Variants in RPS24 observed in about 807,000 individuals in gnomAD.
The protein encoded by RPS24 is small ribosomal subunit protein eS24.
For missense variants in RPS24, 100 were observed against 162.5 expected, an observed-to-expected ratio of 0.62 and a Z score of 2.09; for synonymous variants, 72 against 55.6, an observed-to-expected ratio of 1.30 and a Z score of -1.31.
chr10:78,046,065 AAGCACCTGATGTTTT>A (rs1848040226), intron 4 of RPS24, among the ~76,000 whole-genome samples: 1 of 151,986 alleles, frequency 6.6e-6, no homozygotes. Context: ...GGTAGCGCCC[AAGCACCTGATGTTTT>A]AATAGCTTCC....
At chr10:78,042,418 C>T (rs955678196), downstream of RPS24, among the ~76,000 whole-genome samples, 1 of 152,190 alleles carries the variant, frequency 6.6e-6, no homozygotes, top group Non-Finnish European at 1.5e-5. Context: ...CCCTGGCTCA[C>T]AAGGCTATTT....
chr10:78,034,027 A>G, intron 1 of RPS24, 123 bp downstream of exon 1: 2 of 1,273,388 alleles, frequency 1.6e-6, no homozygotes, highest in Non-Finnish European at 2.3e-6. Context: ...CGTTTCTGTC[A>G]GAGGATGGTT....
At chr10:78,053,191 A>C (rs1719540067) in intron 4 of RPS24, among the ~76,000 whole-genome samples, 1 of 151,124 alleles carries the variant, frequency 6.6e-6, no homozygotes, top group South Asian at 2.1e-4. Flanking sequence ...AACAACAAAA[A>C]AAAAAAAAGA....
In RPS24 at chr10:78,037,180, C is replaced by A. The variant is rs1564629132; in HGVS notation, c.280-14C>A. 1 of 1,592,168 alleles carries A rather than the reference C, an allele frequency of 6.3e-7. No individual in the cohort carries two copies. Among genetic ancestry groups the A allele is most frequent in the Non-Finnish European group, 8.5e-7 (1 of 1,169,756 alleles). ...TGTTTACAAGTCACCTGGATGTACT[C>A]TTTTCTCATTCAGCATGGCCTGTAT... On this transcript the variant is annotated splice_polypyrimidine_tract_variant and intron_variant, in intron 3 of 5. Coordinates refer to ENST00000372360, the MANE Select transcript of RPS24 (RefSeq NM_033022.4).
downstream of RPS24, among the ~76,000 whole-genome samples, chr10:78,045,438 A>G (rs1323163884): frequency 6.6e-6 from 1 of 152,106 alleles, no homozygotes; most frequent in Non-Finnish European, 1.5e-5. Flanking sequence ...TCTGTCTGCT[A>G]TCCGGGCTAG....
At chr10:78,037,336 C>T (rs914425178) in intron 4 of RPS24, 32 bp downstream of exon 4, 4 of 1,566,052 alleles carry the variant, frequency 2.6e-6, no homozygotes, top group African/African-American at 2.7e-5. Flanking sequence ...ATAGAAACGT[C>T]ATTAATTGTA....
rs1847846650 is a variant in RPS24, at chr10:78,035,542, C to T, written c.101C>T (p.Thr34Ile). ...VIDVLHPGKA[T>I]VPKTEIREKL... Reference sequence around the variant, plus strand: ...GATGTCCTTCACCCCGGGAAGGCGACAGTGCCTAAGACAGAAATTCGGGAA... The same window carrying T: ...GATGTCCTTCACCCCGGGAAGGCGATAGTGCCTAAGACAGAAATTCGGGAA... The change falls in exon 3 of 6, where the codon ACA (threonine) becomes ATA (isoleucine). Residue 34 changes from threonine (T) to isoleucine (I), a missense_variant. Physicochemically the swap from Thr to Ile is moderately conservative, Grantham distance 89 (BLOSUM62 -1). Transcript: ENST00000372360. 1 of 1,614,036 alleles carries T rather than the reference C, an allele frequency of 6.2e-7. No individual in the cohort carries two copies. Among genetic ancestry groups the T allele is most frequent in the African/African-American group, 1.3e-5 (1 of 74,934 alleles).
At chr10:78,037,948 G>C (rs879549094) in intron 4 of RPS24, 2 of 707,558 alleles carry the variant, frequency 2.8e-6, no homozygotes, top group Non-Finnish European at 3.7e-6. Context: ...TACTTTCTTG[G>C]ATTTCTTGTT....
In RPS24 at chr10:78,040,629, G is replaced by A; in HGVS notation, c.*34G>A. The A allele has an allele frequency of 1.9e-6, 3 of 1,613,962 alleles. No homozygotes were observed. The highest frequency in any genetic ancestry group is 1.1e-5 in the South Asian group (1 of 91,080). On this transcript the variant is annotated 3_prime_UTR_variant, in exon 6 of 6. Coordinates refer to ENST00000372360, the MANE Select transcript of RPS24 (RefSeq NM_033022.4). ...TTGATTCACAGCCGAAGGAGTAAAG[G>A]TGCTGCAATGATGTTAGCTGTGGCC... is the stretch of plus-strand genomic sequence containing the variant.
At chr10:78,054,448 C>T in intron 4 of RPS24, 6 of 1,261,990 alleles carry the variant, frequency 4.8e-6, no homozygotes, top group Non-Finnish European at 5.4e-6. Context: ...GGTGCAGAAT[C>T]CCAGGCCACA....
chr10:78,037,474 G>T, intron 4 of RPS24, 170 bp downstream of exon 4: 3 of 1,103,546 alleles, frequency 2.7e-6, no homozygotes, highest in Non-Finnish European at 3.7e-6. Context: ...GTAGCATAGT[G>T]TCTTAACACC....
At chr10:78,050,588 G>T (rs891425701) in intron 4 of RPS24, among the ~76,000 whole-genome samples, 7 of 152,150 alleles carry the variant, frequency 4.6e-5, no homozygotes, top group Admixed American at 2.0e-4. Context: ...TTGCAGAGTG[G>T]TGCAACCACC....
chr10:78,047,301 A>G (rs577758286), intron 4 of RPS24, among the ~76,000 whole-genome samples: 1 of 152,246 alleles, frequency 6.6e-6, no homozygotes, highest in African/African-American at 2.4e-5. Flanking sequence ...CAGGTGATTC[A>G]GATGCATGCT....
downstream of RPS24, among the ~76,000 whole-genome samples, chr10:78,042,770 T>G (rs1247561243): frequency 2.0e-5 from 3 of 151,884 alleles, no homozygotes; most frequent in Admixed American, 1.3e-4. Context: ...AGTGAATATT[T>G]GGGGTGCTGC....
At chr10:78,046,058 A>G (rs1046258198) in intron 4 of RPS24, among the ~76,000 whole-genome samples, 4 of 152,042 alleles carry the variant, frequency 2.6e-5, no homozygotes, top group Non-Finnish European at 5.9e-5. Context: ...AGATCTGGGT[A>G]GCGCCCAAGC....
At chr10:78,046,364 T>A (rs1848043488) in intron 4 of RPS24, among the ~76,000 whole-genome samples, 1 of 149,536 alleles carries the variant, frequency 6.7e-6, no homozygotes, top group South Asian at 2.1e-4. Context: ...TTTTTTTTTT[T>A]TGAGAATGAG....
At chr10:78,034,011 T>A in intron 1 of RPS24, 107 bp downstream of exon 1, 1 of 1,364,952 alleles carries the variant, frequency 7.3e-7, no homozygotes, top group Non-Finnish European at 1.0e-6. Flanking sequence ...GTTGCTCTTC[T>A]CTGGCCGTTT....
intron 1 of RPS24, among the ~76,000 whole-genome samples, chr10:78,034,748 C>T (rs1460918646): frequency 6.6e-6 from 1 of 152,330 alleles, no homozygotes; most frequent in African/African-American, 2.4e-5. Context: ...TCTGCTATGG[C>T]CATTCTAGAA....
chr10:78,045,602 C>G (rs1848035337), downstream of RPS24, among the ~76,000 whole-genome samples: 2 of 151,942 alleles, frequency 1.3e-5, no homozygotes, highest in Non-Finnish European at 2.9e-5. Context: ...CTGCCTCAGT[C>G]TTCTGAGTAG....
Sources: allele counts gnomAD v4.1 joint callset (sites outside exome capture counted in the v4.1 genomes callset), GRCh38; gene constraint gnomAD v4.1.1; transcripts MANE v1.5; gene names NCBI Gene and HGNC (gene_info 2026-07-23, HGNC 2026-07-21).